The following CSTPP1 variants were observed in gnomAD, a reference collection of about 807,000 sequenced individuals.
CSTPP1 encodes the protein UPF0705 protein C11orf49.
At chr11:47,076,965 A>G in the CSTPP1 span, among the ~76,000 whole-genome samples, 3 of 530 alleles carry the variant, frequency 5.7e-3, no homozygotes, top group African/African-American at 6.2e-3. Flanking sequence ...AACAGGAGGA[A>G]AAAAAAAAAA....
chr11:47,089,210 A>G, the CSTPP1 span, among the ~76,000 whole-genome samples: 6 of 152,184 alleles, frequency 3.9e-5, no homozygotes, highest in African/African-American at 1.4e-4. Context: ...TATATCGGCA[A>G]AGGGGTCGAT....
chr11:47,026,337 C>T, the CSTPP1 span, among the ~76,000 whole-genome samples: 1 of 152,122 alleles, frequency 6.6e-6, no homozygotes, highest in Non-Finnish European at 1.5e-5. Flanking sequence ...TAGGCAAGCT[C>T]CTGGAAGCTC....
the CSTPP1 span, among the ~76,000 whole-genome samples, chr11:47,037,313 G>A: frequency 2.4e-5 from 3 of 126,334 alleles, 1 homozygote; most frequent in Non-Finnish European, 5.6e-5. Context: ...TAGATGAAAC[G>A]ACGTAGTTGG....
chr11:47,016,874 G>A, the CSTPP1 span, among the ~76,000 whole-genome samples: 80 of 116,326 alleles, frequency 6.9e-4, no homozygotes, highest in African/African-American at 2.5e-3. Flanking sequence ...ATGGAGTCTC[G>A]CTCTGTCGCC....
At chr11:47,006,984 T>C in the CSTPP1 span, among the ~76,000 whole-genome samples, 3 of 150,862 alleles carry the variant, frequency 2.0e-5, no homozygotes, top group African/African-American at 7.3e-5. Flanking sequence ...TTTTTGCATT[T>C]TCTATCATTT....
the CSTPP1 span, among the ~76,000 whole-genome samples, chr11:46,940,944 G>C: frequency 6.6e-6 from 1 of 152,144 alleles, no homozygotes; most frequent in Non-Finnish European, 1.5e-5. Context: ...TTGGTGCCTT[G>C]GTGAATAGAA....
chr11:47,097,451 TG>T, the CSTPP1 span, among the ~76,000 whole-genome samples: 9 of 20,830 alleles, frequency 4.3e-4, no homozygotes, highest in East Asian at 2.4e-3. Context: ...GGGAGGGAGG[TG>T]GGGGGGGGTC....
the CSTPP1 span, among the ~76,000 whole-genome samples, chr11:46,946,750 T>C: frequency 6.6e-6 from 1 of 152,246 alleles, no homozygotes; most frequent in Non-Finnish European, 1.5e-5. Flanking sequence ...ATGTCCTTCA[T>C]AGCACTTATC....
At chr11:47,157,209 A>C in the CSTPP1 span, 1 of 1,586,346 alleles carries the variant, frequency 6.3e-7, no homozygotes, top group Non-Finnish European at 8.6e-7. Flanking sequence ...TGTGATCGGC[A>C]CAAGTACAGG....
the CSTPP1 span, among the ~76,000 whole-genome samples, chr11:47,132,444 G>A: frequency 1.3e-5 from 2 of 152,188 alleles, no homozygotes; most frequent in Non-Finnish European, 2.9e-5. Context: ...CACTTATTGA[G>A]CACTTTGCTA....
chr11:47,101,203 T>C, the CSTPP1 span, among the ~76,000 whole-genome samples: 2 of 132,518 alleles, frequency 1.5e-5, no homozygotes, highest in African/African-American at 5.8e-5. Flanking sequence ...TTATTTTTAG[T>C]AGAGATGGGG....
chr11:47,141,858 G>A, the CSTPP1 span, among the ~76,000 whole-genome samples: 2 of 148,990 alleles, frequency 1.3e-5, no homozygotes, highest in East Asian at 2.0e-4. Context: ...ACTTGAACCC[G>A]GGAGGTGGAG....
the CSTPP1 span, chr11:46,936,863 C>G: frequency 6.4e-7 from 1 of 1,558,640 alleles, no homozygotes; most frequent in Non-Finnish European, 8.7e-7. Flanking sequence ...TAGGAACCCC[C>G]TTTAACTTTG....
At chr11:46,955,995 C>T in the CSTPP1 span, among the ~76,000 whole-genome samples, 9 of 149,490 alleles carry the variant, frequency 6.0e-5, 1 homozygote, top group East Asian at 4.0e-4. Context: ...CACCCCCCCC[C>T]CCCCACCAAA....
chr11:47,137,716 C>T, the CSTPP1 span: 1 of 1,614,112 alleles, frequency 6.2e-7, no homozygotes, highest in East Asian at 2.2e-5. Context: ...GGAGCTCACT[C>T]AGAAAGCAGC....
At chr11:47,128,651 G>A in the CSTPP1 span, among the ~76,000 whole-genome samples, 1 of 152,174 alleles carries the variant, frequency 6.6e-6, no homozygotes, top group Non-Finnish European at 1.5e-5. Flanking sequence ...GCCTCCCAAA[G>A]TGCCGGGATT....
the CSTPP1 span, among the ~76,000 whole-genome samples, chr11:47,044,356 G>A: frequency 1.3e-5 from 2 of 151,810 alleles, no homozygotes; most frequent in Non-Finnish European, 2.9e-5. Flanking sequence ...TGTTAGTTCT[G>A]GAAAATTCTC....
At chr11:47,132,632 T>C in the CSTPP1 span, among the ~76,000 whole-genome samples, 1 of 152,214 alleles carries the variant, frequency 6.6e-6, no homozygotes, top group African/African-American at 2.4e-5. Context: ...AGCCAGGTCA[T>C]CTGATTGCAA....
chr11:47,011,604 G>T, the CSTPP1 span, among the ~76,000 whole-genome samples: 1 of 152,208 alleles, frequency 6.6e-6, no homozygotes. Flanking sequence ...TCACTTAGAG[G>T]TAGGCCATGT....
Sources: allele counts gnomAD v4.1 joint callset (sites outside exome capture counted in the v4.1 genomes callset), GRCh38; gene constraint gnomAD v4.1.1; transcripts MANE v1.5; gene names NCBI Gene and HGNC (gene_info 2026-07-23, HGNC 2026-07-21).